WWOX: variants seen among roughly 807,000 people sequenced by gnomAD.
WWOX encodes the protein WW domain containing oxidoreductase, also known as WW domain-containing oxidoreductase.
WWOX carries 69 observed loss-of-function variants against 46.2 expected under a neutral mutation model. The observed-to-expected ratio is 1.49, with a 90% confidence interval of 1.23 to 1.82. The LOEUF is 1.82. Ranked by LOEUF, WWOX falls within the 40% of genes most tolerant of loss-of-function variation. The pLI is 0.00. For missense variants in WWOX, 919 were observed against 542.6 expected, an observed-to-expected ratio of 1.69 and a Z score of -6.89; for synonymous variants, 359 against 202.6, an observed-to-expected ratio of 1.77 and a Z score of -6.56.
At chr16:79,132,712 T>C (rs758733327) in intron 8 of WWOX, among the ~76,000 whole-genome samples, 4 of 152,204 alleles carry the variant, frequency 2.6e-5, no homozygotes, top group Non-Finnish European at 5.9e-5. Flanking sequence ...GGAAAGAGGC[T>C]CTGGCATACT....
intron 8 of WWOX, among the ~76,000 whole-genome samples, chr16:78,558,780 CTGCCTAGAGTA>C (rs2044364869): frequency 6.6e-6 from 1 of 152,238 alleles, no homozygotes; most frequent in Admixed American, 6.5e-5. Flanking sequence ...TCACATTCTT[CTGCCTAGAGTA>C]TGCCTTTTCC....
intron 8 of WWOX, among the ~76,000 whole-genome samples, chr16:79,167,875 T>G (rs893879615): frequency 1.6e-4 from 24 of 152,164 alleles, no homozygotes; most frequent in Admixed American, 6.5e-5. Context: ...CAGAAAAGCA[T>G]ACACATAAAG....
chr16:78,921,374 G>A (rs988721926), intron 8 of WWOX, among the ~76,000 whole-genome samples: 19 of 152,156 alleles, frequency 1.2e-4, no homozygotes, highest in Admixed American at 6.5e-4. Context: ...ATGGAAAGGT[G>A]GACTCACTGG....
At chr16:78,856,548 C>G (rs2052571309) in intron 8 of WWOX, among the ~76,000 whole-genome samples, 1 of 152,086 alleles carries the variant, frequency 6.6e-6, no homozygotes, top group African/African-American at 2.4e-5. Context: ...GAGTCTGAGG[C>G]AGGAGAATCC....
chr16:78,240,820 A>G (rs2037619655), intron 5 of WWOX, among the ~76,000 whole-genome samples: 1 of 152,176 alleles, frequency 6.6e-6, no homozygotes, highest in Non-Finnish European at 1.5e-5. Context: ...TGCCCTTTAG[A>G]AGATCCCTGT....
At chr16:79,179,608 C>T (rs2050869489) in intron 8 of WWOX, among the ~76,000 whole-genome samples, 1 of 152,180 alleles carries the variant, frequency 6.6e-6, no homozygotes, top group Non-Finnish European at 1.5e-5. Context: ...CTGGCTGGTT[C>T]CTTGAGTGAC....
chr16:78,594,278 C>T (rs919538725), intron 8 of WWOX, among the ~76,000 whole-genome samples: 6 of 152,042 alleles, frequency 3.9e-5, no homozygotes, highest in South Asian at 2.1e-4. Flanking sequence ...CTTGCAAAGT[C>T]GATTCCTGAC....
chr16:78,214,158 G>C (rs1301008633), intron 5 of WWOX, among the ~76,000 whole-genome samples: 4 of 152,070 alleles, frequency 2.6e-5, no homozygotes, highest in African/African-American at 9.7e-5. Context: ...TGACCCCCTG[G>C]ACCCTCACGT....
chr16:79,131,119 C>A (rs966874465), intron 8 of WWOX, among the ~76,000 whole-genome samples: 1 of 152,162 alleles, frequency 6.6e-6, no homozygotes, highest in Non-Finnish European at 1.5e-5. Flanking sequence ...GGACAGACTC[C>A]ATGCTGCCCC....
chr16:78,612,013 C>A (rs1039814888), intron 8 of WWOX, among the ~76,000 whole-genome samples: 3 of 152,210 alleles, frequency 2.0e-5, no homozygotes, highest in African/African-American at 7.2e-5. Context: ...TAGGCATTGG[C>A]TGAAGACTTA....
intron 8 of WWOX, among the ~76,000 whole-genome samples, chr16:78,735,611 C>T (rs2142398779): frequency 6.6e-6 from 1 of 152,220 alleles, no homozygotes; most frequent in East Asian, 1.9e-4. Context: ...CATGGGCCTG[C>T]CCTGTACATG....
intron 8 of WWOX, among the ~76,000 whole-genome samples, chr16:78,882,433 C>G (rs746231386): frequency 2.0e-5 from 3 of 151,894 alleles, no homozygotes; most frequent in African/African-American, 7.3e-5. Flanking sequence ...TCATCCTAAG[C>G]TCCACTACAG....
At chr16:79,172,135 G>C (rs1386406044) in intron 8 of WWOX, among the ~76,000 whole-genome samples, 2 of 151,970 alleles carry the variant, frequency 1.3e-5, no homozygotes, top group African/African-American at 4.8e-5. Context: ...ACATTTTCTT[G>C]GGTTCCTGGT....
chr16:78,223,660 T>A (rs2036962299), intron 5 of WWOX, among the ~76,000 whole-genome samples: 1 of 152,084 alleles, frequency 6.6e-6, no homozygotes, highest in Non-Finnish European at 1.5e-5. Flanking sequence ...ATCCTTTCAG[T>A]TTCCAGCCTG....
intron 8 of WWOX, among the ~76,000 whole-genome samples, chr16:78,728,965 A>G (rs1158941654): frequency 1.3e-5 from 2 of 152,120 alleles, no homozygotes; most frequent in Non-Finnish European, 2.9e-5. Context: ...TTTATTTCCT[A>G]AGTGAGAAAC....
At chr16:78,854,754 T>C (rs1315836192) in intron 8 of WWOX, among the ~76,000 whole-genome samples, 4 of 150,000 alleles carry the variant, frequency 2.7e-5, no homozygotes, top group Non-Finnish European at 4.5e-5. Flanking sequence ...CTACTTTTTG[T>C]ATTTTTAGTA....
At chr16:78,305,915 C>A (rs1488510997) in intron 5 of WWOX, among the ~76,000 whole-genome samples, 3 of 151,522 alleles carry the variant, frequency 2.0e-5, no homozygotes, top group Non-Finnish European at 4.4e-5. Context: ...TGGCTCAGTT[C>A]TTTTTTGAGT....
intron 8 of WWOX, among the ~76,000 whole-genome samples, chr16:79,143,814 T>C (rs1042586523): frequency 4.6e-5 from 7 of 152,138 alleles, no homozygotes; most frequent in Admixed American, 4.6e-4. Flanking sequence ...GGTAGGAGTT[T>C]TAGCCAATAT....
intron 5 of WWOX, among the ~76,000 whole-genome samples, chr16:78,335,871 C>A (rs534488928): frequency 6.6e-6 from 1 of 152,088 alleles, no homozygotes. Flanking sequence ...GCGGGTGGAT[C>A]GCTTGAGGCC....
Sources: gnomAD v4.1 joint callset for allele counts (sites outside exome capture counted in the v4.1 genomes callset) on GRCh38, gnomAD v4.1.1 for gene constraint, MANE v1.5 for transcripts, NCBI Gene and HGNC (gene_info 2026-07-23, HGNC 2026-07-21) for gene names.